The following PLXNA3 variants were observed in gnomAD, a reference collection of about 807,000 sequenced individuals.
PLXNA3 encodes plexin A3.
In PLXNA3, 52 loss-of-function variants were observed where a neutral mutation model predicts 118.8. The observed-to-expected ratio is 0.44, with a 90% CI of 0.35 to 0.55. The LOEUF (loss-of-function observed/expected upper bound fraction) is 0.55. PLXNA3 is among the 20% of genes least tolerant of loss of function. PLXNA3 has a pLI of 0.01. For missense variants in PLXNA3, 1,660 were observed against 1,730.8 expected, an observed-to-expected ratio of 0.96 and a Z score of 0.73; for synonymous variants, 925 against 762.4, an observed-to-expected ratio of 1.21 and a Z score of -3.51.
rs782143754 is a variant in PLXNA3, at chrX:154,461,290, CGTGCGCAT to C, written c.793_800del (p.Met265GlyfsTer46). The C allele has an allele frequency of 1.3e-5, 16 of 1,211,613 alleles. No individual in the cohort carries two copies. The highest frequency in any genetic ancestry group is 3.5e-5 in the South Asian group (2 of 57,008). On this transcript the variant is annotated frameshift_variant, in exon 3 of 33. Coordinates refer to ENST00000369682, the MANE Select transcript of PLXNA3 (RefSeq NM_017514.5). LOFTEE classifies it high-confidence loss of function. ...GCGAGAAATTTTTCACGTCCAAGAT[CGTGCGCAT>C]GTGCGCGGGAGACTCAGAGTTCTAC...
rs1489996484 is a variant in PLXNA3, at chrX:154,473,860, C to T, written c.*1175C>T. Reference sequence around the variant, plus strand: ...CCTCCCTTCCACCACCCCCACCCAGCTCTCCTGTGCCATCGTCTATCTCTG... The same window carrying T: ...CCTCCCTTCCACCACCCCCACCCAGTTCTCCTGTGCCATCGTCTATCTCTG... On this transcript the variant is annotated 3_prime_UTR_variant, in exon 33 of 33. Transcript: ENST00000369682. 1 of 111,963 alleles carries T rather than the reference C, an allele frequency of 8.9e-6. No homozygotes were observed. Among genetic ancestry groups the T allele is most frequent in the African/African-American group, 3.3e-5 (1 of 30,724 alleles). 9.2% of individuals were successfully genotyped at this position (111,963 alleles called of 1,213,427 possible).
rs1208897709 is a variant in PLXNA3, at chrX:154,473,084, T to C, written c.*399T>C. On this transcript the variant is annotated 3_prime_UTR_variant, in exon 33 of 33. Transcript: ENST00000369682. ...CTCACTCACCTGCCTCTTCTTGAGCTGTCCTGGGCCCTGCCACCCGTCTGG... is the reference window on the plus strand; with the variant it reads ...CTCACTCACCTGCCTCTTCTTGAGCCGTCCTGGGCCCTGCCACCCGTCTGG... 7.9e-6 allele frequency: 1 copy of C among 125,979 alleles called. No individual in the cohort carries two copies. Among genetic ancestry groups the C allele is most frequent in the Non-Finnish European group, 1.6e-5 (1 of 60,851 alleles). 10.4% of individuals were successfully genotyped at this position (125,979 alleles called of 1,213,427 possible).
At chrX:154,466,860 G>T (rs1487401861) in intron 17 of PLXNA3, 67 bp downstream of exon 17, 2 of 1,016,576 alleles carry the variant, frequency 2.0e-6, no homozygotes, top group East Asian at 6.6e-5. Context: ...TGGTCTCTGA[G>T]CTCCGGTGGG....
In PLXNA3 at chrX:154,469,050, C is replaced by T. The variant is rs1557208475; in HGVS notation, c.4435-6C>T. On this transcript the variant is annotated splice_region_variant and splice_polypyrimidine_tract_variant and intron_variant, in intron 25 of 32. Coordinates refer to ENST00000369682, the MANE Select transcript of PLXNA3 (RefSeq NM_017514.5). ...AGACTGACACTGGAGTCCGCTTTCC[C>T]CTCAGACCCTTCACTGCGTGTGTCC... 1 of 1,211,297 alleles carries T rather than the reference C, an allele frequency of 8.3e-7. No individual in the cohort carries two copies. Among genetic ancestry groups the T allele is most frequent in the Non-Finnish European group, 1.1e-6 (1 of 895,344 alleles).
At chrX:154,465,294 T>C in intron 11 of PLXNA3, 76 bp downstream of exon 11, 1 of 1,065,957 alleles carries the variant, frequency 9.4e-7, no homozygotes, top group Non-Finnish European at 1.3e-6. Context: ...TATGCCCAGC[T>C]CTCTGGCAGG....
At chrX:154,469,661 G>A in intron 27 of PLXNA3, 27 bp from the exon 28 acceptor site, 2 of 1,173,078 alleles carry the variant, frequency 1.7e-6, no homozygotes, top group South Asian at 1.8e-5. Flanking sequence ...TTCCTGCACT[G>A]CCCCCCTCTG....
At chrX:154,465,241 C>T (rs2069059258) in intron 11 of PLXNA3, 23 bp downstream of exon 11, 2 of 1,177,072 alleles carry the variant, frequency 1.7e-6, no homozygotes, top group East Asian at 6.0e-5. Flanking sequence ...CCGCTGCCTC[C>T]CTTCGGGGTC....
Position 154,465,866 on chromosome X carries a change from C to T in PLXNA3, c.2532+19C>T, listed in dbSNP as rs1244111549. ...CACGCAGGTCAGCCTCCCTCACCGC[C>T]CCTGCCCACTGCCAACAGGGCCCCT... On this transcript the variant is annotated intron_variant, in intron 13 of 32. Transcript: ENST00000369682. The T allele has an allele frequency of 1.7e-6, 2 of 1,207,280 alleles. No individual in the cohort carries two copies. Among genetic ancestry groups the T allele is most frequent in the Admixed American group, 2.2e-5 (1 of 45,798 alleles).
At chrX:154,470,956 A>G (rs1254231588) in intron 30 of PLXNA3, 149 bp from the exon 31 acceptor site, 23 of 473,897 alleles carry the variant, frequency 4.9e-5, no homozygotes, top group Non-Finnish European at 8.3e-5. Flanking sequence ...GCAGAGACTT[A>G]GAGGAAAGGC....
In PLXNA3 at chrX:154,469,497, C is replaced by T; in HGVS notation, c.4698+15C>T. 1 of 1,146,004 alleles carries T rather than the reference C, an allele frequency of 8.7e-7. No homozygotes were observed. The highest frequency in any genetic ancestry group is 1.8e-5 in the South Asian group (1 of 55,096). The allele number at this position is 1,146,004 out of a possible 1,213,427, so 94.4% of individuals were successfully genotyped here. On this transcript the variant is annotated intron_variant, in intron 27 of 32. Transcript: ENST00000369682. ...CCCACTACCAGGTGAGGGGTTGGGGCCCATTCCTCCCCAGGGCCACCTGGG... is the reference window on the plus strand; with the variant it reads ...CCCACTACCAGGTGAGGGGTTGGGGTCCATTCCTCCCCAGGGCCACCTGGG...
intron 6 of PLXNA3, 125 bp from the exon 7 acceptor site, chrX:154,463,826 C>T (rs1310383059): frequency 7.0e-6 from 7 of 1,004,377 alleles, no homozygotes; most frequent in African/African-American, 1.9e-5. Context: ...ACCTCCACCC[C>T]GAGTGACGTC....
Position 154,461,305 on chromosome X carries a change from G to C in PLXNA3, c.801G>C (p.Ala267=). ...FFTSKIVRMC[A]GDSEFYSYVE... is the part of the protein sequence containing the mutation. ...CGTCCAAGATCGTGCGCATGTGCGC[G>C]GGAGACTCAGAGTTCTACTCATACG... The change falls in exon 3 of 33, where the codon GCG becomes GCC. Residue 267 remains alanine (A), a synonymous_variant. Coordinates refer to ENST00000369682, the MANE Select transcript of PLXNA3 (RefSeq NM_017514.5). 1 of 1,212,165 alleles carries C rather than the reference G, an allele frequency of 8.2e-7. No homozygotes were observed. Among genetic ancestry groups the C allele is most frequent in the Non-Finnish European group, 1.1e-6 (1 of 895,398 alleles).
At chrX:154,460,070 C>T in intron 1 of PLXNA3, 87 bp from the exon 2 acceptor site, 2 of 513,859 alleles carry the variant, frequency 3.9e-6, no homozygotes, top group South Asian at 5.9e-5. Context: ...TCACGGTGGC[C>T]ATCTGGGGCT....
rs370033013 is a variant in PLXNA3 at position 154,466,313 on chromosome X, C to A, written c.2799+43C>A. 17 of 1,209,721 alleles carry A rather than the reference C, an allele frequency of 1.4e-5. No individual in the cohort carries two copies. In the African/African-American group the frequency reaches 2.8e-4, roughly 20 times the overall value. ...CTACCCCTTCCTGTCCCTTCTCTCT[C>A]CCGCAAGGGGCGTGTGGAGCAGCCC... On this transcript the variant is annotated intron_variant, in intron 15 of 32. Coordinates refer to ENST00000369682, the MANE Select transcript of PLXNA3 (RefSeq NM_017514.5).
chrX:154,464,096 G>A (rs782472249), intron 7 of PLXNA3, 22 bp downstream of exon 7: 51 of 1,209,737 alleles, frequency 4.2e-5, no homozygotes, highest in Middle Eastern at 2.3e-4. Flanking sequence ...GGGGGTGCCC[G>A]GCTGGGTGTG....
chrX:154,466,349 C>T (rs1557207104), intron 15 of PLXNA3, 27 bp from the exon 16 acceptor site: 6 of 1,211,571 alleles, frequency 5.0e-6, no homozygotes, highest in South Asian at 1.8e-5. Context: ...GGCCCGGCTC[C>T]TCCCCTCAGG....
rs1343286129 is a variant in PLXNA3 at position 154,472,891 on chromosome X, CG to C, written c.*207del. 1.3e-5 allele frequency: 5 copies of C among 393,690 alleles called. No homozygotes were observed. Among genetic ancestry groups the C allele is most frequent in the African/African-American group, 1.3e-4 (5 of 39,417 alleles). 32.4% of individuals were successfully genotyped at this position (393,690 alleles called of 1,213,427 possible). On this transcript the variant is annotated 3_prime_UTR_variant, in exon 33 of 33. Transcript: ENST00000369682. The stretch of plus-strand genomic sequence containing the variant: ...CCCTGCAGGGGGAGGGGTGACAGGG[CG>C]AGCCCCCACCCCAGCAGCAGCAATA...
intron 3 of PLXNA3, 97 bp downstream of exon 3, chrX:154,461,735 C>A: frequency 1.1e-6 from 1 of 903,535 alleles, no homozygotes; most frequent in Non-Finnish European, 1.5e-6. Flanking sequence ...CCAGGCTTTG[C>A]CATGGCCCTG....
At chrX:154,463,269 A>G in intron 4 of PLXNA3, 122 bp from the exon 5 acceptor site, 1 of 994,931 alleles carries the variant, frequency 1.0e-6, no homozygotes. Flanking sequence ...TGTGGGTGTG[A>G]GTGCTGAACC....
Sources: allele counts gnomAD v4.1 joint callset, GRCh38; gene constraint gnomAD v4.1.1; transcripts MANE v1.5; gene names NCBI Gene and HGNC (gene_info 2026-07-23, HGNC 2026-07-21).